CADM2: variants seen among roughly 807,000 people sequenced by gnomAD.
CADM2 encodes cell adhesion molecule 2.
A neutral mutation model predicts 49.8 loss-of-function variants in CADM2; 12 were observed. The ratio of observed to expected loss-of-function variants is 0.24; its 90% CI spans 0.15 to 0.39. The LOEUF (loss-of-function observed/expected upper bound fraction) is 0.39, where lower values mean the gene tolerates loss of function less well. CADM2 is among the 10% of genes least tolerant of loss of function. The probability of loss-of-function intolerance (pLI) is 1.00; values close to 1 mark genes in which losing one functional copy is unlikely to be tolerated. For synonymous variants in CADM2, 214 were observed against 175.4 expected, an observed-to-expected ratio of 1.22 and a Z score of -1.74; for missense variants, 378 against 492.3, an observed-to-expected ratio of 0.77 and a Z score of 2.20.
intron 2 of CADM2, among the ~76,000 whole-genome samples, chr3:85,791,148 T>G (rs1486754445): frequency 1.3e-5 from 2 of 152,220 alleles, no homozygotes; most frequent in Non-Finnish European, 2.9e-5. Context: ...GGAAACATTT[T>G]GCACTTAGTT....
At chr3:85,523,354 G>A (rs2061074503) in intron 1 of CADM2, among the ~76,000 whole-genome samples, 1 of 152,076 alleles carries the variant, frequency 6.6e-6, no homozygotes, top group African/African-American at 2.4e-5. Context: ...ATAAGCTAGG[G>A]CAAGATAAAT....
chr3:85,989,519 T>C (rs1233962507), intron 8 of CADM2, among the ~76,000 whole-genome samples: 2 of 152,088 alleles, frequency 1.3e-5, no homozygotes, highest in Non-Finnish European at 2.9e-5. Flanking sequence ...TCAAGGTCAT[T>C]GCAGAGAAGT....
At chr3:85,116,020 G>T (rs1366119819) in intron 1 of CADM2, among the ~76,000 whole-genome samples, 2 of 152,106 alleles carry the variant, frequency 1.3e-5, no homozygotes, top group African/African-American at 2.4e-5. Flanking sequence ...AAAAACCATT[G>T]ACTTTGTAAA....
At chr3:85,554,404 G>A (rs2061896157) in intron 1 of CADM2, among the ~76,000 whole-genome samples, 1 of 152,122 alleles carries the variant, frequency 6.6e-6, no homozygotes. Context: ...AGTACCGGTT[G>A]GCGGCACAAA....
chr3:85,338,003 T>C (rs897346658), intron 1 of CADM2, among the ~76,000 whole-genome samples: 1 of 151,742 alleles, frequency 6.6e-6, no homozygotes, highest in Admixed American at 6.6e-5. Context: ...TTCAAAATAC[T>C]GCCTTAAGCA....
At chr3:86,010,808 A>C (rs1157826049) in intron 8 of CADM2, among the ~76,000 whole-genome samples, 1 of 151,716 alleles carries the variant, frequency 6.6e-6, no homozygotes, top group Non-Finnish European at 1.5e-5. Flanking sequence ...CTAAGAAAAG[A>C]AAAATAAATT....
intron 1 of CADM2, among the ~76,000 whole-genome samples, chr3:84,984,385 A>G (rs1244890978): frequency 2.3e-5 from 3 of 128,160 alleles, no homozygotes; most frequent in Admixed American, 8.1e-5. Flanking sequence ...AAAAAAAAAA[A>G]CACTTGAGGC....
chr3:85,114,675 T>C (rs1317861826), intron 1 of CADM2, among the ~76,000 whole-genome samples: 2 of 152,166 alleles, frequency 1.3e-5, no homozygotes, highest in Non-Finnish European at 2.9e-5. Flanking sequence ...CGAGATAGGT[T>C]TGTGTTTAAA....
intron 1 of CADM2, among the ~76,000 whole-genome samples, chr3:85,322,878 C>T (rs1464447247): frequency 6.6e-6 from 1 of 152,054 alleles, no homozygotes; most frequent in Non-Finnish European, 1.5e-5. Context: ...AGAACTAATC[C>T]TGAAGAAAAT....
At chr3:85,361,043 C>A (rs191256035) in intron 1 of CADM2, among the ~76,000 whole-genome samples, 2 of 152,196 alleles carry the variant, frequency 1.3e-5, no homozygotes, top group Non-Finnish European at 2.9e-5. Context: ...CTTGTCTGGA[C>A]CATCAGAAAA....
At chr3:85,593,283 C>T (rs188997859) in intron 1 of CADM2, among the ~76,000 whole-genome samples, 5 of 152,000 alleles carry the variant, frequency 3.3e-5, no homozygotes, top group Non-Finnish European at 5.9e-5. Flanking sequence ...CCCATTAACT[C>T]GTCATCTAGC....
chr3:85,289,543 T>C (rs1408449335), intron 1 of CADM2, among the ~76,000 whole-genome samples: 2 of 152,162 alleles, frequency 1.3e-5, no homozygotes, highest in Non-Finnish European at 2.9e-5. Flanking sequence ...TTCTTTAGTG[T>C]GTATAATCTA....
chr3:85,168,215 C>T (rs2040523535), intron 1 of CADM2, among the ~76,000 whole-genome samples: 1 of 152,024 alleles, frequency 6.6e-6, no homozygotes. Flanking sequence ...ACAGCCATGC[C>T]TAGCTCATTT....
Position 85,830,930 on chromosome 3 carries a change from C to T in CADM2, c.238+28734C>T, listed in dbSNP as rs115186715. Among the ~76,000 whole-genome samples, 381 of 151,452 alleles carry T rather than the reference C, an allele frequency of 2.5e-3. 1 individual carries two copies. Among genetic ancestry groups the T allele is most frequent in the African/African-American group, 8.9e-3 (369 of 41,312 alleles). ...TGCTCAGGCTTGGTTTACAAATGATCCCATCTCCCAAGTTGTGAGCATAGA... is the reference window on the plus strand; with the variant it reads ...TGCTCAGGCTTGGTTTACAAATGATTCCATCTCCCAAGTTGTGAGCATAGA... On this transcript the variant is annotated intron_variant, in intron 3 of 9. Coordinates refer to ENST00000383699, the MANE Select transcript of CADM2 (RefSeq NM_001167675.2).
At position 85,824,401 on chromosome 3, in the gene CADM2, A is replaced by AT. The variant is rs895902820; in HGVS notation, c.238+22215dup. Among the ~76,000 whole-genome samples the AT allele has an allele frequency of 3.5e-3, 534 of 150,648 alleles. 3 individuals are homozygous for AT. The highest frequency in any genetic ancestry group is 5.7e-3 in the African/African-American group (236 of 41,054). On this transcript the variant is annotated intron_variant, in intron 3 of 9. Transcript: ENST00000383699. The stretch of plus-strand genomic sequence containing the variant: ...TGTGTGGGAAATAAAATGGATAGAG[A>AT]TTTTTTTTTTAAGAAAAAACAAAAA...
At chr3:85,996,884 C>T (rs1729499198) in intron 8 of CADM2, among the ~76,000 whole-genome samples, 1 of 152,116 alleles carries the variant, frequency 6.6e-6, no homozygotes, top group South Asian at 2.1e-4. Flanking sequence ...TAAACAATCC[C>T]TATTTTGATG....
chr3:84,994,451 A>T (rs754073317), intron 1 of CADM2, among the ~76,000 whole-genome samples: 23 of 152,128 alleles, frequency 1.5e-4, no homozygotes, highest in Non-Finnish European at 3.1e-4. Context: ...GATCATTAAG[A>T]TACACACTTA....
At chr3:86,022,007 C>G (rs1041282253) in intron 8 of CADM2, among the ~76,000 whole-genome samples, 24 of 152,040 alleles carry the variant, frequency 1.6e-4, no homozygotes, top group African/African-American at 5.8e-4. Flanking sequence ...AAAAAGGTAA[C>G]TGAAATAATG....
At chr3:85,496,694 A>G (rs2039916571) in intron 1 of CADM2, among the ~76,000 whole-genome samples, 1 of 152,068 alleles carries the variant, frequency 6.6e-6, no homozygotes, top group Non-Finnish European at 1.5e-5. Context: ...CCACAGGCTT[A>G]CCTGCATTTG....
Sources: gnomAD v4.1 joint callset for allele counts (sites outside exome capture counted in the v4.1 genomes callset) on GRCh38, gnomAD v4.1.1 for gene constraint, MANE v1.5 for transcripts, NCBI Gene and HGNC (gene_info 2026-07-23, HGNC 2026-07-21) for gene names.